Variants in LIN7A observed in about 807,000 individuals in gnomAD.
LIN7A encodes the protein protein lin-7 homolog A.
LIN7A carries 25 observed loss-of-function variants against 29.8 expected under a neutral mutation model. The ratio of observed to expected loss-of-function variants is 0.84; its 90% CI spans 0.61 to 1.17. The LOEUF is 1.17. Ranked by LOEUF, LIN7A falls within the 50% of genes most tolerant of loss-of-function variation. LIN7A has a pLI of 0.00. For synonymous variants in LIN7A, 118 were observed against 107.5 expected (o/e 1.10, Z -0.60); for missense variants, 239 against 287.0 (o/e 0.83, Z 1.21).
At chr12:80,915,124 G>C (rs1876961682) in intron 1 of LIN7A, among the ~76,000 whole-genome samples, 1 of 128,554 alleles carries the variant, frequency 7.8e-6, no homozygotes, top group Non-Finnish European at 1.7e-5. Context: ...CTAATATCCA[G>C]AATCTACAAG....
In LIN7A at chr12:80,849,623, C is replaced by G. The variant is rs532606484; in HGVS notation, c.202-1301G>C. Among the ~76,000 whole-genome samples the G allele has an allele frequency of 1.3e-4, 20 of 152,228 alleles. No individual in the cohort carries two copies. The East Asian group carries it at 3.1e-3, about 24-fold the overall frequency. ...CTGCAAAGGTGATAAGGGCAAATAC[C>G]TACAGGAGTCAAGCCACAGATAATA... is the stretch of plus-strand genomic sequence containing the variant. On this transcript the variant is annotated intron_variant, in intron 2 of 5. Coordinates refer to ENST00000552864, the MANE Select transcript of LIN7A (RefSeq NM_004664.4).
At chr12:80,925,426 A>T (rs929930601) in intron 1 of LIN7A, among the ~76,000 whole-genome samples, 7 of 152,192 alleles carry the variant, frequency 4.6e-5, no homozygotes, top group Non-Finnish European at 8.8e-5. Flanking sequence ...GGCAGCAAAC[A>T]TTCTCTGTCC....
chr12:80,886,072 T>A (rs1223265388), intron 2 of LIN7A, among the ~76,000 whole-genome samples: 1 of 152,138 alleles, frequency 6.6e-6, no homozygotes, highest in African/African-American at 2.4e-5. Context: ...TCATTTTTGT[T>A]CTTTTCTCTG....
chr12:80,800,857 A>G (rs538425513), intron 5 of LIN7A, among the ~76,000 whole-genome samples: 1 of 152,298 alleles, frequency 6.6e-6, no homozygotes, highest in Non-Finnish European at 1.5e-5. Context: ...AACCCTCAAC[A>G]AAAGTTAGCA....
rs1292494427 is a variant in LIN7A, at chr12:80,796,648, G to C, written c.*1079C>G. On this transcript the variant is annotated 3_prime_UTR_variant, in exon 6 of 6. Coordinates refer to ENST00000552864, the MANE Select transcript of LIN7A (RefSeq NM_004664.4). ...TATCTGAGAGTGCCAAAAATATCTG[G>C]TTTATATTTGGGGAAATTGACCTAA... The C allele has an allele frequency of 6.6e-6, 1 of 152,020 alleles. No homozygotes were observed. The highest frequency in any genetic ancestry group is 1.5e-5 in the Non-Finnish European group (1 of 67,992). The allele number at this position is 152,020 out of a possible 1,614,324, so 9.4% of individuals were successfully genotyped here.
chr12:80,827,359 C>A (rs1206985896), intron 4 of LIN7A, among the ~76,000 whole-genome samples: 1 of 151,604 alleles, frequency 6.6e-6, no homozygotes, highest in Non-Finnish European at 1.5e-5. Context: ...TGCACTCCAC[C>A]CTGGGTGACA....
At chr12:80,879,477 A>C (rs1874905950) in intron 2 of LIN7A, among the ~76,000 whole-genome samples, 1 of 152,094 alleles carries the variant, frequency 6.6e-6, no homozygotes, top group Non-Finnish European at 1.5e-5. Context: ...TAAATAAAAC[A>C]TAAATGCAAA....
chr12:80,931,525 C>G (rs1464579310), intron 1 of LIN7A, among the ~76,000 whole-genome samples: 2 of 151,850 alleles, frequency 1.3e-5, no homozygotes, highest in Non-Finnish European at 2.9e-5. Flanking sequence ...TGCCTGTTGC[C>G]TCCTCGGGAG....
intron 1 of LIN7A, among the ~76,000 whole-genome samples, chr12:80,906,475 TG>T (rs1876479468): frequency 6.6e-6 from 1 of 152,132 alleles, no homozygotes; most frequent in Non-Finnish European, 1.5e-5. Context: ...TTTGAGTTTA[TG>T]GTTTTTCTTG....
chr12:80,799,535 T>C (rs1870615658), intron 5 of LIN7A, among the ~76,000 whole-genome samples: 1 of 151,994 alleles, frequency 6.6e-6, no homozygotes, highest in South Asian at 2.1e-4. Flanking sequence ...TTCAATCCAA[T>C]GTAATTAAAA....
At chr12:80,803,364 C>T (rs531563628) in intron 5 of LIN7A, among the ~76,000 whole-genome samples, 1 of 152,322 alleles carries the variant, frequency 6.6e-6, no homozygotes, top group South Asian at 2.1e-4. Context: ...GTTTTCCCAA[C>T]ACCATTGATT....
chr12:80,903,454 G>A (rs1456960921), intron 1 of LIN7A, among the ~76,000 whole-genome samples: 5 of 151,926 alleles, frequency 3.3e-5, no homozygotes, highest in Non-Finnish European at 7.4e-5. Flanking sequence ...GAGAACATGT[G>A]GTATTGACTT....
At chr12:80,904,820 T>C (rs1226090487) in intron 1 of LIN7A, among the ~76,000 whole-genome samples, 1 of 152,236 alleles carries the variant, frequency 6.6e-6, no homozygotes, top group African/African-American at 2.4e-5. Context: ...GCTTCATATA[T>C]ACCTATACAT....
At chr12:80,905,250 C>T (rs557882645) in intron 1 of LIN7A, among the ~76,000 whole-genome samples, 62 of 151,744 alleles carry the variant, frequency 4.1e-4, no homozygotes, top group African/African-American at 1.4e-3. Flanking sequence ...AGTGCAGTGG[C>T]GTGATCTCAG....
intron 1 of LIN7A, among the ~76,000 whole-genome samples, chr12:80,893,961 G>T (rs1875756279): frequency 6.6e-6 from 1 of 152,170 alleles, no homozygotes; most frequent in Middle Eastern, 3.2e-3. Context: ...CTCCAGCCAG[G>T]CCTAGCCGTT....
intron 4 of LIN7A, among the ~76,000 whole-genome samples, chr12:80,840,197 C>A (rs1281181931): frequency 6.6e-6 from 1 of 152,098 alleles, no homozygotes; most frequent in African/African-American, 2.4e-5. Flanking sequence ...AAGTAATGTA[C>A]AGGGACATCA....
rs530621699 is a variant in LIN7A at position 80,812,198 on chromosome 12, C to A, written c.484-515G>T. Among the ~76,000 whole-genome samples the A allele has an allele frequency of 4.6e-5, 7 of 151,414 alleles. No individual in the cohort carries two copies. The South Asian group carries it at 1.5e-3, about 32-fold the overall frequency. The stretch of plus-strand genomic sequence containing the variant: ...ATTTATTATTAATGTGGACTTTAGA[C>A]CAAAGGAGAAAAGGACTATTAACTA... On this transcript the variant is annotated intron_variant, in intron 4 of 5. Transcript: ENST00000552864.
At chr12:80,915,642 A>C (rs111963840) in intron 1 of LIN7A, among the ~76,000 whole-genome samples, 5 of 152,376 alleles carry the variant, frequency 3.3e-5, no homozygotes, top group East Asian at 1.9e-4. Flanking sequence ...TCGATGGTGG[A>C]TTGGATAAAG....
chr12:80,843,749 T>G (rs555140024), intron 4 of LIN7A, among the ~76,000 whole-genome samples: 2 of 152,090 alleles, frequency 1.3e-5, no homozygotes, highest in African/African-American at 4.8e-5. Flanking sequence ...GGATTAAAGT[T>G]TAGGGGATAC....
Sources: allele counts gnomAD v4.1 joint callset (sites outside exome capture counted in the v4.1 genomes callset), GRCh38; gene constraint gnomAD v4.1.1; transcripts MANE v1.5; gene names NCBI Gene and HGNC (gene_info 2026-07-23, HGNC 2026-07-21).